GPC6: variants seen among roughly 807,000 people sequenced by gnomAD.
GPC6 encodes the protein glypican 6.
GPC6 carries 14 observed loss-of-function variants against 55.2 expected under a neutral mutation model. The ratio of observed to expected loss-of-function variants is 0.25; its 90% CI spans 0.17 to 0.40. The LOEUF is 0.40. Among genes scored for constraint, GPC6 ranks in the 10% least tolerant of loss-of-function variants. The pLI, the probability that GPC6 is intolerant of heterozygous loss-of-function variation, is 1.00. For synonymous variants in GPC6, 278 were observed against 259.6 expected, an observed-to-expected ratio of 1.07 and a Z score of -0.68; for missense variants, 641 against 708.5, an observed-to-expected ratio of 0.90 and a Z score of 1.08.
At chr13:93,530,237 TACCTTGGTTC>T (rs1881813303) in intron 1 of GPC6, among the ~76,000 whole-genome samples, 1 of 152,174 alleles carries the variant, frequency 6.6e-6, no homozygotes, top group Non-Finnish European at 1.5e-5. Flanking sequence ...CTGGATCAGT[TACCTTGGTTC>T]ACCTTGTCAT....
At chr13:94,203,270 T>C (rs1188892482) in intron 4 of GPC6, among the ~76,000 whole-genome samples, 1 of 151,424 alleles carries the variant, frequency 6.6e-6, no homozygotes, top group African/African-American at 2.4e-5. Context: ...TAAAAAAAAA[T>C]ACTGACCCAG....
At chr13:93,375,753 C>A (rs1439074620) in intron 1 of GPC6, among the ~76,000 whole-genome samples, 1 of 152,116 alleles carries the variant, frequency 6.6e-6, no homozygotes, top group Non-Finnish European at 1.5e-5. Context: ...GATTTCATGA[C>A]AGATTCCTGT....
At chr13:94,269,110 G>A (rs768197088) in intron 4 of GPC6, among the ~76,000 whole-genome samples, 2 of 152,098 alleles carry the variant, frequency 1.3e-5, no homozygotes, top group Non-Finnish European at 2.9e-5. Flanking sequence ...AATACTGCAT[G>A]TACCACTTCC....
intron 1 of GPC6, among the ~76,000 whole-genome samples, chr13:93,361,337 G>C (rs1487579456): frequency 6.6e-6 from 1 of 152,086 alleles, no homozygotes; most frequent in Middle Eastern, 3.2e-3. Flanking sequence ...AAGTTGCAAA[G>C]CATCTGGCAG....
At chr13:93,746,458 A>G (rs1884403758) in intron 2 of GPC6, among the ~76,000 whole-genome samples, 1 of 152,178 alleles carries the variant, frequency 6.6e-6, no homozygotes, top group Non-Finnish European at 1.5e-5. Flanking sequence ...GCAGGGTTCA[A>G]ATTAAAGCCT....
intron 2 of GPC6, among the ~76,000 whole-genome samples, chr13:93,756,355 AC>A (rs1249739689): frequency 1.3e-5 from 2 of 152,078 alleles, no homozygotes; most frequent in Admixed American, 1.3e-4. Context: ...GAAGAGTACC[AC>A]CCTGGTTGAA....
chr13:93,640,997 G>A (rs1004729419), intron 2 of GPC6, among the ~76,000 whole-genome samples: 3 of 151,502 alleles, frequency 2.0e-5, no homozygotes, highest in East Asian at 1.9e-4. Context: ...AAGCATTTGT[G>A]CCATTCACAG....
intron 4 of GPC6, among the ~76,000 whole-genome samples, chr13:94,145,909 GGACAGGT>G (rs1284971088): frequency 6.6e-6 from 1 of 152,108 alleles, no homozygotes; most frequent in Non-Finnish European, 1.5e-5. Context: ...AGCTGCAACT[GGACAGGT>G]GACAGGAGGA....
intron 6 of GPC6, among the ~76,000 whole-genome samples, chr13:94,344,477 C>T (rs1157433659): frequency 6.6e-6 from 1 of 152,162 alleles, no homozygotes; most frequent in Non-Finnish European, 1.5e-5. Context: ...TTTTCTTTCC[C>T]CAGAATCTGG....
chr13:93,502,960 G>A (rs916455234), intron 1 of GPC6, among the ~76,000 whole-genome samples: 3 of 151,982 alleles, frequency 2.0e-5, no homozygotes, highest in African/African-American at 7.2e-5. Context: ...TATGAAAAAA[G>A]TTTAAAATTT....
intron 1 of GPC6, among the ~76,000 whole-genome samples, chr13:93,332,251 TTC>T (rs968277054): frequency 5.1e-4 from 77 of 150,106 alleles, no homozygotes; most frequent in African/African-American, 1.8e-3. Flanking sequence ...AATATGGTAT[TTC>T]TGTTTTTCTT....
chr13:94,379,937 A>G (rs1235101359), intron 6 of GPC6, among the ~76,000 whole-genome samples: 1 of 152,240 alleles, frequency 6.6e-6, no homozygotes, highest in East Asian at 1.9e-4. Flanking sequence ...GGCATAGCGC[A>G]GCGCAGAAAG....
intron 3 of GPC6, among the ~76,000 whole-genome samples, chr13:93,965,797 A>T (rs896527265): frequency 1.3e-5 from 2 of 152,110 alleles, no homozygotes; most frequent in Non-Finnish European, 2.9e-5. Flanking sequence ...CAGCAGAAAA[A>T]CTGACCAGCT....
At chr13:93,793,248 G>A (rs924617757) in intron 2 of GPC6, among the ~76,000 whole-genome samples, 3 of 152,046 alleles carry the variant, frequency 2.0e-5, no homozygotes, top group African/African-American at 7.2e-5. Flanking sequence ...TTCTAGAATG[G>A]TACTAGTTAA....
intron 3 of GPC6, among the ~76,000 whole-genome samples, chr13:93,915,324 G>A (rs1159977919): frequency 6.6e-6 from 1 of 152,164 alleles, no homozygotes; most frequent in African/African-American, 2.4e-5. Context: ...TGCTGTAAAT[G>A]TAGCAAAGTG....
At chr13:93,708,601 A>G (rs1055753567) in intron 2 of GPC6, among the ~76,000 whole-genome samples, 8 of 151,768 alleles carry the variant, frequency 5.3e-5, no homozygotes, top group African/African-American at 1.2e-4. Flanking sequence ...TGAGTGTCCA[A>G]TTCACAGTGT....
intron 1 of GPC6, among the ~76,000 whole-genome samples, chr13:93,228,589 C>A (rs919366937): frequency 2.0e-5 from 3 of 152,146 alleles, no homozygotes; most frequent in African/African-American, 7.2e-5. Context: ...CAACCGAATC[C>A]GAGCTTCTCT....
At chr13:93,623,748 G>A (rs964730797) in intron 2 of GPC6, among the ~76,000 whole-genome samples, 18 of 152,048 alleles carry the variant, frequency 1.2e-4, no homozygotes, top group African/African-American at 3.9e-4. Flanking sequence ...TTGGGCCACC[G>A]CGCCTGGCCT....
At chr13:93,939,840 T>C (rs1878643047) in intron 3 of GPC6, among the ~76,000 whole-genome samples, 1 of 152,202 alleles carries the variant, frequency 6.6e-6, no homozygotes, top group Admixed American at 6.5e-5. Flanking sequence ...GTGTATTATA[T>C]ACATTATCAT....
Sources: gnomAD v4.1 joint callset for allele counts (sites outside exome capture counted in the v4.1 genomes callset) on GRCh38, gnomAD v4.1.1 for gene constraint, MANE v1.5 for transcripts, NCBI Gene and HGNC (gene_info 2026-07-23, HGNC 2026-07-21) for gene names.